Variants in VCL observed in about 807,000 individuals in gnomAD.
VCL encodes vinculin, also known as epididymis luminal protein 114.
In VCL, 47 loss-of-function variants were observed where a neutral mutation model predicts 125.7. The ratio of observed to expected loss-of-function variants is 0.37; its 90% CI spans 0.30 to 0.48. VCL has a LOEUF of 0.48. Among genes scored for constraint, VCL ranks in the 20% least tolerant of loss-of-function variants. The pLI is 0.99. For synonymous variants in VCL, 458 were observed against 514.6 expected, an observed-to-expected ratio of 0.89 and a Z score of 1.49; for missense variants, 1,069 against 1,455.5, an observed-to-expected ratio of 0.73 and a Z score of 4.32.
At chr10:74,075,003 G>A in intron 6 of VCL, 100 bp downstream of exon 6, 1 of 1,441,834 alleles carries the variant, frequency 6.9e-7, no homozygotes, top group South Asian at 1.2e-5. Flanking sequence ...AATTTTTGTA[G>A]CATAAGAGTA....
At chr10:74,002,335 G>A (rs1840241812) in intron 1 of VCL, among the ~76,000 whole-genome samples, 1 of 150,640 alleles carries the variant, frequency 6.6e-6, no homozygotes. Flanking sequence ...ATGTTGGTTA[G>A]GCTGGTCTTG....
chr10:74,019,931 C>T (rs576367014), intron 1 of VCL, among the ~76,000 whole-genome samples: 3 of 151,798 alleles, frequency 2.0e-5, no homozygotes, highest in Admixed American at 6.6e-5. Context: ...GGCGTGGTGG[C>T]GGGCGCCTGT....
chr10:74,089,062 GCTGTCC>G (rs1283566532), intron 8 of VCL, 128 bp from the exon 9 acceptor site: 7 of 1,287,306 alleles, frequency 5.4e-6, no homozygotes, highest in Non-Finnish European at 7.6e-6. Flanking sequence ...GTTTTCTTGT[GCTGTCC>G]CAGATTTACT....
intron 1 of VCL, among the ~76,000 whole-genome samples, chr10:74,006,867 A>G (rs559342983): frequency 1.3e-5 from 2 of 152,354 alleles, no homozygotes. Context: ...TCTGATCTGA[A>G]GCATTTCAGA....
At chr10:74,056,648 G>A (rs1319350001) in intron 2 of VCL, among the ~76,000 whole-genome samples, 1 of 152,080 alleles carries the variant, frequency 6.6e-6, no homozygotes, top group Non-Finnish European at 1.5e-5. Flanking sequence ...TTAGATTAAA[G>A]CTTGTCATTG....
At chr10:74,055,674 A>T (rs1309737112) in intron 2 of VCL, among the ~76,000 whole-genome samples, 1 of 152,176 alleles carries the variant, frequency 6.6e-6, no homozygotes, top group African/African-American at 2.4e-5. Context: ...AAGATAATTT[A>T]AAAATTTTAT....
chr10:74,002,203 G>A (rs1415357053), intron 1 of VCL, among the ~76,000 whole-genome samples: 4 of 152,116 alleles, frequency 2.6e-5, no homozygotes, highest in South Asian at 2.1e-4. Flanking sequence ...TTGGCTCACC[G>A]CAACCTCTGT....
At chr10:74,040,563 T>A (rs1841076480) in intron 1 of VCL, among the ~76,000 whole-genome samples, 1 of 152,228 alleles carries the variant, frequency 6.6e-6, no homozygotes, top group South Asian at 2.1e-4. Context: ...ATCATGGCCA[T>A]AGCTTTTTGA....
chr10:74,009,425 A>AT (rs916230361), intron 1 of VCL, among the ~76,000 whole-genome samples: 2 of 148,130 alleles, frequency 1.4e-5, no homozygotes, highest in African/African-American at 5.0e-5. Context: ...CGCCCGGCTA[A>AT]TTTTTTTGTA....
At position 74,119,251 on chromosome 10, in the gene VCL, T is replaced by C. The variant is rs1036318549; in HGVS notation, c.*1082T>C. On this transcript the variant is annotated 3_prime_UTR_variant, in exon 22 of 22. Transcript: ENST00000211998. ...TTCATCTGTAACTCTAAAAGATCCT[T>C]TTTAAATTCAGTCCTAAGAAAGAGG... 6.6e-6 allele frequency: 1 copy of C among 152,658 alleles called. No individual in the cohort carries two copies. The highest frequency in any genetic ancestry group is 6.5e-5 in the Admixed American group (1 of 15,286). 9.5% of individuals were successfully genotyped at this position (152,658 alleles called of 1,614,324 possible). A position where few individuals can be genotyped will look rare whatever the true frequency, so the allele number is the denominator to read the frequency against.
chr10:74,043,310 G>C lies in VCL; in HGVS notation c.239+157G>C, dbSNP rs527948519. On this transcript the variant is annotated intron_variant, in intron 2 of 21. Transcript: ENST00000211998. The stretch of plus-strand genomic sequence containing the variant: ...GTCTTCTAACTTTTTTAAAAAAACT[G>C]TTCATTTTAGTTTTTGATATTAGGC... Among the ~76,000 whole-genome samples the C allele has an allele frequency of 4.4e-4, 67 of 151,412 alleles. No homozygotes were observed. The South Asian group carries it at 0.01, about 24-fold the overall frequency.
At chr10:74,093,697 G>T (rs1288924381) in intron 10 of VCL, among the ~76,000 whole-genome samples, 1 of 152,020 alleles carries the variant, frequency 6.6e-6, no homozygotes, top group African/African-American at 2.4e-5. Context: ...TACCTGAAAG[G>T]CTGAGGCAGG....
intron 1 of VCL, among the ~76,000 whole-genome samples, chr10:74,010,912 G>A (rs1306550604): frequency 6.6e-6 from 1 of 152,178 alleles, no homozygotes; most frequent in African/African-American, 2.4e-5. Flanking sequence ...GCTCATGCCT[G>A]TAAGCCCAGC....
At chr10:74,085,775 C>G (rs1332735351) in intron 8 of VCL, among the ~76,000 whole-genome samples, 1 of 152,174 alleles carries the variant, frequency 6.6e-6, no homozygotes, top group African/African-American at 2.4e-5. Context: ...CTCAGAAACA[C>G]TCCTCTACAT....
At chr10:74,017,984 C>G (rs1043291940) in intron 1 of VCL, among the ~76,000 whole-genome samples, 1 of 150,580 alleles carries the variant, frequency 6.6e-6, no homozygotes, top group Non-Finnish European at 1.5e-5. Flanking sequence ...CATGACGAAA[C>G]TCCTTCTCTA....
At chr10:74,040,783 T>C (rs1419199776) in intron 1 of VCL, among the ~76,000 whole-genome samples, 1 of 152,244 alleles carries the variant, frequency 6.6e-6, no homozygotes, top group Non-Finnish European at 1.5e-5. Flanking sequence ...AAAAAACTTG[T>C]ATTCATAATT....
rs761750844 is a variant in VCL at position 74,074,726 on chromosome 10, A to T, written c.623-17A>T. The T allele has an allele frequency of 3.1e-6, 5 of 1,611,306 alleles. No individual in the cohort carries two copies. The South Asian group carries it at 5.5e-5, about 18-fold the overall frequency. ...GATTAAATTCCAAGCTTACTTTCTG[A>T]TCTTTTATTTTTACAGCTATGAAGA... On this transcript the variant is annotated splice_polypyrimidine_tract_variant and intron_variant, in intron 5 of 21. Coordinates refer to ENST00000211998, the MANE Select transcript of VCL (RefSeq NM_014000.3).
At chr10:74,020,512 T>C (rs1385128325) in intron 1 of VCL, among the ~76,000 whole-genome samples, 1 of 152,038 alleles carries the variant, frequency 6.6e-6, no homozygotes, top group Non-Finnish European at 1.5e-5. Context: ...TGATATGTAT[T>C]CCAAGCTGGG....
intron 1 of VCL, among the ~76,000 whole-genome samples, chr10:74,003,921 A>G (rs985399055): frequency 1.3e-5 from 2 of 151,994 alleles, no homozygotes; most frequent in African/African-American, 4.8e-5. Flanking sequence ...GGGTTTCACT[A>G]TATTTCCAAG....
Sources: allele counts gnomAD v4.1 joint callset (sites outside exome capture counted in the v4.1 genomes callset), GRCh38; gene constraint gnomAD v4.1.1; transcripts MANE v1.5; gene names NCBI Gene and HGNC (gene_info 2026-07-23, HGNC 2026-07-21).